Variants in ADTRP observed in about 807,000 individuals in gnomAD.
ADTRP encodes androgen-dependent TFPI-regulating protein.
A neutral mutation model predicts 27.0 loss-of-function variants in ADTRP; 20 were observed. The ratio of observed to expected loss-of-function variants is 0.74; its 90% CI spans 0.52 to 1.08. The LOEUF is 1.08. Ranked by LOEUF, ADTRP falls within the 50% of genes least tolerant of loss-of-function variation. The probability of loss-of-function intolerance (pLI) is 0.00; values close to 1 mark genes in which losing one functional copy is unlikely to be tolerated. For missense variants in ADTRP, 251 were observed against 275.0 expected, an observed-to-expected ratio of 0.91 and a Z score of 0.62; for synonymous variants, 101 against 105.2, an observed-to-expected ratio of 0.96 and a Z score of 0.25.
rs1267781705 is a variant in ADTRP, at chr6:11,714,638, C to A, written c.659-126G>T. 3.9e-5 allele frequency: 42 copies of A among 1,074,974 alleles called. 1 individual carries two copies. The Admixed American group carries it at 8.3e-4, about 21-fold the overall frequency. 66.6% of individuals were successfully genotyped at this position (1,074,974 alleles called of 1,614,324 possible). ...GTTGAACACACTTTTCCCAAGGTGA[C>A]AAGATGCAGTTTAAGGAGTTATGAA... On this transcript the variant is annotated intron_variant, in intron 5 of 5. Transcript: ENST00000414691.
intron 3 of ADTRP, among the ~76,000 whole-genome samples, chr6:11,742,201 A>G (rs763227043): frequency 6.6e-6 from 1 of 152,010 alleles, no homozygotes; most frequent in African/African-American, 2.4e-5. Flanking sequence ...TCCACTATCT[A>G]TACACCTTCC....
At chr6:11,726,363 A>T (rs1385158174) in intron 4 of ADTRP, among the ~76,000 whole-genome samples, 1 of 152,126 alleles carries the variant, frequency 6.6e-6, no homozygotes, top group Admixed American at 6.5e-5. Context: ...TGTTCGGGTC[A>T]TGGGGTTGGA....
chr6:11,721,937 T>A (rs1033276798), intron 5 of ADTRP, among the ~76,000 whole-genome samples: 9 of 152,238 alleles, frequency 5.9e-5, no homozygotes, highest in Non-Finnish European at 1.3e-4. Context: ...TTGAACTCAA[T>A]ACAATTGATT....
Position 11,714,306 on chromosome 6 carries a change from G to T in ADTRP, c.*172C>A. The T allele has an allele frequency of 1.4e-6, 1 of 697,604 alleles. No homozygotes were observed. Among genetic ancestry groups the T allele is most frequent in the Non-Finnish European group, 2.3e-6 (1 of 425,596 alleles). The allele number at this position is 697,604 out of a possible 1,614,324, so 43.2% of individuals were successfully genotyped here. ...CAGTCAACCTTTCAAAAAACCAAGA[G>T]TTCTCAAGTTAAGCTACCTTCACGA... is the stretch of plus-strand genomic sequence containing the variant. On this transcript the variant is annotated 3_prime_UTR_variant, in exon 6 of 6. Coordinates refer to ENST00000414691, the MANE Select transcript of ADTRP (RefSeq NM_032744.4).
chr6:11,719,400 A>G (rs1023261416), intron 5 of ADTRP, among the ~76,000 whole-genome samples: 1 of 152,212 alleles, frequency 6.6e-6, no homozygotes, highest in African/African-American at 2.4e-5. Context: ...CCGGATCCCG[A>G]TTGCAAGTTA....
At chr6:11,724,092 T>C (rs1017801808) in intron 4 of ADTRP, among the ~76,000 whole-genome samples, 4 of 112,896 alleles carry the variant, frequency 3.5e-5, no homozygotes, top group African/African-American at 6.6e-5. Context: ...CAAACAAACA[T>C]AGAACCATCG....
chr6:11,727,028 C>CT (rs1306210674), intron 4 of ADTRP, among the ~76,000 whole-genome samples: 14 of 152,102 alleles, frequency 9.2e-5, no homozygotes, highest in African/African-American at 2.9e-4. Flanking sequence ...TATTAGAATT[C>CT]TTTTTCTTTT....
At position 11,778,616 on chromosome 6, in the gene ADTRP, C is replaced by T; in HGVS notation, c.144G>A (p.Leu48=). The part of the protein sequence containing the change: ...ANGARWKYMT[L]LNLLLQTIFY... ...GGACATATGGACTTACCAGATTAAG[C>T]AGCGTCATATATTTCCACCTTGCAC... The change falls in exon 1 of 6, where the codon CTG becomes CTA. Residue 48 remains leucine, a synonymous_variant. Transcript: ENST00000414691. 1 of 1,614,118 alleles carries T rather than the reference C, an allele frequency of 6.2e-7. No homozygotes were observed. The highest frequency in any genetic ancestry group is 8.5e-7 in the Non-Finnish European group (1 of 1,179,976).
At chr6:11,762,007 C>A (rs1399020034) in intron 3 of ADTRP, among the ~76,000 whole-genome samples, 5 of 152,154 alleles carry the variant, frequency 3.3e-5, no homozygotes, top group Admixed American at 3.3e-4. Flanking sequence ...TACTCACCCC[C>A]ACTTAGCAGC....
At chr6:11,745,097 G>A (rs1231498100) in intron 3 of ADTRP, among the ~76,000 whole-genome samples, 4 of 151,980 alleles carry the variant, frequency 2.6e-5, no homozygotes, top group East Asian at 1.9e-4. Flanking sequence ...TGTGCAGGCT[G>A]TTTTGTGAGA....
rs1763530443 is a variant in ADTRP at position 11,765,319 on chromosome 6, GTTTGTTTT to G, written c.390+947_390+954del. ...GCCACTTCCTTGTGCCTTTCCCCTG[GTTTGTTTT>G]TTTTTTTTTTTTTTTTTGAGGCAGA... On this transcript the variant is annotated intron_variant, in intron 3 of 5. Transcript: ENST00000414691. 2.7e-5 allele frequency among the ~76,000 whole-genome samples: 3 copies of G among 112,526 alleles called. No individual in the cohort carries two copies. In the Admixed American group the frequency reaches 3.2e-4, roughly 12 times the overall value. The allele number at this position is 112,526 out of a possible 152,430, so 73.8% of individuals were successfully genotyped here.
chr6:11,747,287 C>T (rs1762895721), intron 3 of ADTRP, among the ~76,000 whole-genome samples: 1 of 152,204 alleles, frequency 6.6e-6, no homozygotes, highest in Admixed American at 6.5e-5. Flanking sequence ...CACACACATG[C>T]TTTTATTCAT....
chr6:11,753,895 G>A (rs1003525881), intron 3 of ADTRP, among the ~76,000 whole-genome samples: 1 of 152,184 alleles, frequency 6.6e-6, no homozygotes, highest in East Asian at 1.9e-4. Flanking sequence ...TATCATCAGG[G>A]CTGAATTCTG....
rs210909 is a variant in ADTRP, at chr6:11,720,158, T to C, written c.658+3191A>G. On this transcript the variant is annotated intron_variant, in intron 5 of 5. Transcript: ENST00000414691. ...GCATTCATTTGAATTTCTCCTGTCATCAAAGGGGGCTCAGGCTGTGGAAGG... is the reference window on the plus strand; with the variant it reads ...GCATTCATTTGAATTTCTCCTGTCACCAAAGGGGGCTCAGGCTGTGGAAGG... 7.1e-3 allele frequency among the ~76,000 whole-genome samples: 1,081 copies of C among 152,254 alleles called. 34 individuals are homozygous for C. Among genetic ancestry groups the C allele is most frequent in the Admixed American group, 0.047 (716 of 15,302 alleles).
chr6:11,759,117 G>A (rs949583108), intron 3 of ADTRP, among the ~76,000 whole-genome samples: 1 of 152,208 alleles, frequency 6.6e-6, no homozygotes, highest in Non-Finnish European at 1.5e-5. Flanking sequence ...CATTTGCAAA[G>A]GGAGGCCTAC....
At chr6:11,742,612 G>A (rs1268682166) in intron 3 of ADTRP, among the ~76,000 whole-genome samples, 2 of 152,186 alleles carry the variant, frequency 1.3e-5, no homozygotes, top group African/African-American at 4.8e-5. Flanking sequence ...AGGCCTGAAA[G>A]AAATTACTAC....
intron 4 of ADTRP, among the ~76,000 whole-genome samples, chr6:11,730,334 C>T (rs1390938825): frequency 1.3e-5 from 2 of 152,138 alleles, no homozygotes; most frequent in East Asian, 3.8e-4. Flanking sequence ...CTATGGTTGA[C>T]CTGGATGATC....
intron 3 of ADTRP, chr6:11,735,968 TG>T (rs1393162429): frequency 2.6e-5 from 7 of 264,618 alleles, no homozygotes; most frequent in South Asian, 5.0e-5. Context: ...TTGGCGGGGG[TG>T]GGGGGTGGAG....
Position 11,724,934 on chromosome 6 carries a change from GCTGCTGATCT to G in ADTRP, c.507-1444_507-1435del, listed in dbSNP as rs1762137885. Among the ~76,000 whole-genome samples, 5 of 152,344 alleles carry G rather than the reference GCTGCTGATCT, an allele frequency of 3.3e-5. No homozygotes were observed. The South Asian group carries it at 1.0e-3, about 32-fold the overall frequency. On this transcript the variant is annotated intron_variant, in intron 4 of 5. Transcript: ENST00000414691. ...GTGCTCTCAGAAAGCCTTCTTTGAA[GCTGCTGATCT>G]CTTGTAGCAATTAGGATAGGCCAGG... is the stretch of plus-strand genomic sequence containing the variant.
Sources: allele counts gnomAD v4.1 joint callset (sites outside exome capture counted in the v4.1 genomes callset), GRCh38; gene constraint gnomAD v4.1.1; transcripts MANE v1.5; gene names NCBI Gene and HGNC (gene_info 2026-07-23, HGNC 2026-07-21).